The following OSBP2 variants were observed in gnomAD, a reference collection of about 807,000 sequenced individuals.
OSBP2 encodes oxysterol-binding protein 2.
In OSBP2, 66 loss-of-function variants were observed where a neutral mutation model predicts 96.0. The observed-to-expected ratio is 0.69, with a 90% confidence interval of 0.56 to 0.84. OSBP2 has a LOEUF of 0.84. OSBP2 is among the 40% of genes least tolerant of loss of function. The pLI, the probability that OSBP2 is intolerant of heterozygous loss-of-function variation, is 0.00. For missense variants in OSBP2, 1,038 were observed against 1,222.7 expected (o/e 0.85, Z 2.25); for synonymous variants, 525 against 520.9 (o/e 1.01, Z -0.11).
At chr22:30,720,506 C>T (rs2089531450) in intron 1 of OSBP2, among the ~76,000 whole-genome samples, 1 of 152,096 alleles carries the variant, frequency 6.6e-6, no homozygotes, top group Non-Finnish European at 1.5e-5. Flanking sequence ...GGAGAGCGAG[C>T]CAAGACAGAG....
intron 2 of OSBP2, among the ~76,000 whole-genome samples, chr22:30,751,872 C>G (rs541822754): frequency 6.6e-6 from 1 of 152,202 alleles, no homozygotes; most frequent in African/African-American, 2.4e-5. Context: ...CAGCAGCCCC[C>G]GAGGGATTCA....
rs770719701 is a variant in OSBP2, at chr22:30,870,528, C to T, written c.953C>T (p.Thr318Met). The T allele has an allele frequency of 1.5e-5, 25 of 1,613,964 alleles. No individual in the cohort carries two copies. Among genetic ancestry groups the T allele is most frequent in the Non-Finnish European group, 1.9e-5 (23 of 1,180,012 alleles). The change falls in exon 3 of 14, where the codon ACG becomes ATG. Residue 318 changes from threonine to methionine, a missense_variant. Around this residue, in one of 3 missense-constraint regions of OSBP2, gnomAD observed 737 missense variants for 913.3 expected, o/e 0.81. Coordinates refer to ENST00000332585, the MANE Select transcript of OSBP2 (RefSeq NM_030758.4). The surrounding 1 kb of genome is among the most constrained non-coding windows in gnomAD (Gnocchi z 4.1). ...NLSLKLDDLS[T>M]CNDLIAKHGA... is the part of the protein sequence containing the mutation. Reference sequence around the variant, plus strand: ...TCCCTGAAGTTAGATGACCTCAGCACGTGCAATGACCTCATCGCCAAGCAC... The same window carrying T: ...TCCCTGAAGTTAGATGACCTCAGCATGTGCAATGACCTCATCGCCAAGCAC...
Position 30,878,033 on chromosome 22 carries a change from G to T in OSBP2, c.1107+7351G>T, listed in dbSNP as rs150578570. Among the ~76,000 whole-genome samples the T allele has an allele frequency of 2.7e-3, 412 of 152,334 alleles. 2 individuals are homozygous for T. Among genetic ancestry groups the T allele is most frequent in the Non-Finnish European group, 2.9e-3 (197 of 68,022 alleles). On this transcript the variant is annotated intron_variant, in intron 3 of 13. Coordinates refer to ENST00000332585, the MANE Select transcript of OSBP2 (RefSeq NM_030758.4). ...AGGTGGGATGGGGTGAAAGGCCACAGGTGCAGACAGGCTGGGGGCTAAGCA... is the reference window on the plus strand; with the variant it reads ...AGGTGGGATGGGGTGAAAGGCCACATGTGCAGACAGGCTGGGGGCTAAGCA...
chr22:30,896,209 G>A (rs897299877), intron 12 of OSBP2, among the ~76,000 whole-genome samples: 23 of 151,884 alleles, frequency 1.5e-4, no homozygotes, highest in African/African-American at 5.3e-4. Flanking sequence ...TAGTAAAGAC[G>A]GGGTTTCACC....
chr22:30,707,523 G>A (rs1363523869), intron 1 of OSBP2, among the ~76,000 whole-genome samples: 2 of 151,570 alleles, frequency 1.3e-5, no homozygotes, highest in African/African-American at 4.8e-5. Context: ...GACCATCCTG[G>A]CTAACACAGT....
At chr22:30,859,096 C>T (rs1448913514) in intron 2 of OSBP2, among the ~76,000 whole-genome samples, 1 of 152,010 alleles carries the variant, frequency 6.6e-6, no homozygotes, top group African/African-American at 2.4e-5. Flanking sequence ...TCTGTCTCAG[C>T]TTGCGCTCCA....
chr22:30,735,311 T>A (rs1489356855), intron 1 of OSBP2, among the ~76,000 whole-genome samples: 1 of 152,178 alleles, frequency 6.6e-6, no homozygotes, highest in Non-Finnish European at 1.5e-5. Context: ...TTTTCTGAAG[T>A]GCTCATGTTA....
intron 4 of OSBP2, 82 bp from the exon 5 acceptor site, chr22:30,888,141 G>A (rs2039858089): frequency 1.1e-6 from 1 of 913,192 alleles, no homozygotes; most frequent in South Asian, 1.4e-5. Context: ...TGGGGGTTGG[G>A]GGAGCCCTTG....
chr22:30,875,362 G>A (rs116068700), intron 3 of OSBP2, among the ~76,000 whole-genome samples: 1 of 151,878 alleles, frequency 6.6e-6, no homozygotes, highest in African/African-American at 2.4e-5. Flanking sequence ...TGATTGGCAG[G>A]GTTCTTTGTT....
chr22:30,704,248 A>G (rs2089210180), intron 1 of OSBP2, among the ~76,000 whole-genome samples: 1 of 152,208 alleles, frequency 6.6e-6, no homozygotes, highest in Middle Eastern at 3.2e-3. Context: ...CTTTATTACA[A>G]TGAAAGGATG....
intron 1 of OSBP2, among the ~76,000 whole-genome samples, chr22:30,735,083 T>C (rs1411011723): frequency 1.3e-5 from 2 of 152,136 alleles, no homozygotes; most frequent in Admixed American, 6.6e-5. Context: ...TCCCAGTTAC[T>C]TGGGAGGCTG....
intron 2 of OSBP2, among the ~76,000 whole-genome samples, chr22:30,858,180 C>T (rs868587728): frequency 2.8e-5 from 4 of 145,094 alleles, no homozygotes; most frequent in Middle Eastern, 7.6e-3. Context: ...CGCTCTGTCG[C>T]CCAGGCCGGA....
chr22:30,802,894 T>C (rs1324908818), intron 2 of OSBP2, among the ~76,000 whole-genome samples: 2 of 151,998 alleles, frequency 1.3e-5, no homozygotes, highest in Non-Finnish European at 2.9e-5. Flanking sequence ...ACGGCTCCTC[T>C]AGGTCCGGCT....
chr22:30,696,090 A>G (rs1018257918), intron 1 of OSBP2, among the ~76,000 whole-genome samples: 2 of 152,106 alleles, frequency 1.3e-5, no homozygotes, highest in African/African-American at 4.8e-5. Context: ...GATGTATTGG[A>G]CACGGTTCTT....
intron 2 of OSBP2, among the ~76,000 whole-genome samples, chr22:30,863,451 G>T (rs2039266924): frequency 6.6e-6 from 1 of 152,178 alleles, no homozygotes; most frequent in African/African-American, 2.4e-5. Context: ...GCCCCCACGT[G>T]GGGGTGGAAT....
rs570212516 is a variant in OSBP2 at position 30,852,231 on chromosome 22, G to A, written c.854-18198G>A. 1.8e-4 allele frequency among the ~76,000 whole-genome samples: 27 copies of A among 152,304 alleles called. No homozygotes were observed. The East Asian group carries it at 4.8e-3, about 27-fold the overall frequency. ...TTTTCTGAAAAACTTTGGGTAAGAA[G>A]TGTATTATTTCTTCCTTAAACATTT... On this transcript the variant is annotated intron_variant, in intron 2 of 13. Transcript: ENST00000332585.
At chr22:30,752,727 AAG>A (rs1417597474) in intron 2 of OSBP2, among the ~76,000 whole-genome samples, 2 of 152,170 alleles carry the variant, frequency 1.3e-5, no homozygotes, top group East Asian at 3.8e-4. Context: ...TGGAAAAGGA[AAG>A]AGATTCTCTA....
chr22:30,834,782 A>G (rs1478430116), intron 2 of OSBP2, among the ~76,000 whole-genome samples: 1 of 147,794 alleles, frequency 6.8e-6, no homozygotes, highest in African/African-American at 2.5e-5. Flanking sequence ...ATTTTCTCCT[A>G]TTCTATGGAT....
rs541754427 is a variant in OSBP2, at chr22:30,799,247, C to T, written c.853+57878C>T. ...GCCTCAGCCTCCCAAGTAGCTGGGACTACAGGCGCCCACCACCACACCCAG... is the reference window on the plus strand; with the variant it reads ...GCCTCAGCCTCCCAAGTAGCTGGGATTACAGGCGCCCACCACCACACCCAG... On this transcript the variant is annotated intron_variant, in intron 2 of 13. Transcript: ENST00000332585. Among the ~76,000 whole-genome samples, 4 of 152,058 alleles carry T rather than the reference C, an allele frequency of 2.6e-5. No individual in the cohort carries two copies. In the East Asian group the frequency reaches 5.8e-4, roughly 22 times the overall value.
Sources: gnomAD v4.1 joint callset for allele counts (sites outside exome capture counted in the v4.1 genomes callset) on GRCh38, gnomAD v4.1.1 for gene constraint, gnomAD v4.1.1 regional missense constraint, Gnocchi (gnomAD v3.1) non-coding constraint, MANE v1.5 for transcripts, NCBI Gene and HGNC (gene_info 2026-07-23, HGNC 2026-07-21) for gene names.